Variants in THEM6 observed in about 807,000 individuals in gnomAD.
The protein encoded by THEM6 is protein THEM6.
Under a neutral mutation model 13.7 loss-of-function variants are expected in THEM6, and 10 were observed. That is an observed-to-expected ratio of 0.73 (90% confidence interval 0.45 to 1.24). The LOEUF (loss-of-function observed/expected upper bound fraction) is 1.24. THEM6 is among the 50% of genes most tolerant of loss of function. The pLI is 0.00. For synonymous variants in THEM6, 161 were observed against 156.0 expected (o/e 1.03, Z -0.24); for missense variants, 317 against 312.6 (o/e 1.01, Z -0.11).
chr8:142,734,582 G>C (rs1815719554), intron 1 of THEM6: 2 of 152,852 alleles, frequency 1.3e-5, no homozygotes, highest in Non-Finnish European at 2.9e-5. Context: ...GCTGGGCTGG[G>C]GTGAGTGTTG....
intron 1 of THEM6, among the ~76,000 whole-genome samples, chr8:142,732,194 ATATATATATATAT>A (rs1815662914): frequency 1.0e-5 from 1 of 95,996 alleles, no homozygotes; most frequent in Non-Finnish European, 2.1e-5. Context: ...ATATATATAT[ATATATATATATAT>A]TTTAACTACT....
At chr8:142,730,705 C>T (rs1324262152) in intron 1 of THEM6, among the ~76,000 whole-genome samples, 1 of 152,056 alleles carries the variant, frequency 6.6e-6, no homozygotes, top group East Asian at 1.9e-4. Context: ...TTAAATTTTA[C>T]CTTTATACTA....
chr8:142,734,880 T>C (rs587645095), intron 1 of THEM6: 9 of 165,462 alleles, frequency 5.4e-5, no homozygotes, highest in Non-Finnish European at 9.2e-5. Flanking sequence ...TGGAGAGGGT[T>C]GATAGTGGAG....
At chr8:142,733,655 G>A (rs1469398342) in intron 1 of THEM6, among the ~76,000 whole-genome samples, 2 of 152,268 alleles carry the variant, frequency 1.3e-5, no homozygotes, top group East Asian at 3.9e-4. Flanking sequence ...AAAGCTACAC[G>A]GCTCCCTGGT....
At chr8:142,729,277 G>A (rs782151633) in intron 1 of THEM6, among the ~76,000 whole-genome samples, 19 of 152,122 alleles carry the variant, frequency 1.2e-4, no homozygotes, top group Non-Finnish European at 2.1e-4. Flanking sequence ...GAAATAGCAC[G>A]TGAACATAAA....
intron 1 of THEM6, among the ~76,000 whole-genome samples, chr8:142,733,783 G>A (rs1208543774): frequency 6.6e-6 from 1 of 152,232 alleles, no homozygotes; most frequent in Admixed American, 6.5e-5. Flanking sequence ...TGTGCCCAAG[G>A]TGGTCGGGGC....
In THEM6 at chr8:142,727,557, C is replaced by A; in HGVS notation, c.211C>A (p.Leu71Met). 1 of 1,551,914 alleles carries A rather than the reference C, an allele frequency of 6.4e-7. No homozygotes were observed. The highest frequency in any genetic ancestry group is 2.5e-5 in the East Asian group (1 of 40,386). Residue 71 changes from leucine to methionine, a missense_variant, in exon 1 of 2, where the codon CTG (leucine) becomes ATG (methionine). Transcript: ENST00000336138. ...LLLHMNNARY[L>M]READFARVAH... ...GCTGCACATGAACAACGCGCGCTAC[C>A]TGCGCGAGGCCGACTTTGCGCGCGT... is the stretch of plus-strand genomic sequence containing the variant.
In THEM6 at chr8:142,732,088, C is replaced by G. The variant is rs963750759; in HGVS notation, c.514-3238C>G. Reference sequence around the variant, plus strand: ...TTTTCCCCCCTCTCCTTCCCCTTCCCCTGGGGGACCAACCAGCGGGAGTGA... The same window carrying G: ...TTTTCCCCCCTCTCCTTCCCCTTCCGCTGGGGGACCAACCAGCGGGAGTGA... On this transcript the variant is annotated intron_variant, in intron 1 of 1. Coordinates refer to ENST00000336138, the MANE Select transcript of THEM6 (RefSeq NM_016647.3). Among the ~76,000 whole-genome samples the G allele has an allele frequency of 4.1e-5, 6 of 147,054 alleles. 1 individual carries two copies. In the South Asian group the frequency reaches 1.1e-3, roughly 26 times the overall value.
chr8:142,728,530 C>T (rs1554642657), intron 1 of THEM6, among the ~76,000 whole-genome samples: 1 of 152,224 alleles, frequency 6.6e-6, no homozygotes, highest in African/African-American at 2.4e-5. Flanking sequence ...CTGGAGCGTC[C>T]GTGCAGGAAG....
chr8:142,727,314 A>AC lies in THEM6; in HGVS notation c.-32dup. 1 of 1,456,036 alleles carries AC rather than the reference A, an allele frequency of 6.9e-7. No homozygotes were observed. Among genetic ancestry groups the AC allele is most frequent in the Middle Eastern group, 2.4e-4 (1 of 4,118 alleles). 90.2% of individuals were successfully genotyped at this position (1,456,036 alleles called of 1,614,324 possible). A position where few individuals can be genotyped will look rare whatever the true frequency, so the allele number is the denominator to read the frequency against. On this transcript the variant is annotated 5_prime_UTR_variant, in exon 1 of 2. Transcript: ENST00000336138. ...GCGGACACCGGCACCGGCGCCACGGACTCCGCAGGACCCCGCGCCCGCCGC... is the reference window on the plus strand; with the variant it reads ...GCGGACACCGGCACCGGCGCCACGGACCTCCGCAGGACCCCGCGCCCGCCGC...
In THEM6 at chr8:142,727,839, C is replaced by G. The variant is rs973353732; in HGVS notation, c.493C>G (p.Gln165Glu). 14 of 1,445,588 alleles carry G rather than the reference C, an allele frequency of 9.7e-6. No homozygotes were observed. The highest frequency in any genetic ancestry group is 4.9e-4 in the Middle Eastern group (2 of 4,122). 89.5% of individuals were successfully genotyped at this position (1,445,588 alleles called of 1,614,324 possible). ...LLGTSPERVVQHLCQRRVEPP... is the reference protein window; with the variant it reads ...LLGTSPERVVEHLCQRRVEPP... ...GGGCACCTCACCCGAGCGCGTCGTG[C>G]AGCACCTGTGCCAGCGCAGGGTGAG... The change falls in exon 1 of 2, where the codon CAG (glutamine) becomes GAG (glutamate). Residue 165 changes from glutamine (Q) to glutamate (E), a missense_variant. Gln to Glu is a conservative substitution (Grantham distance 29, BLOSUM62 2). Transcript: ENST00000336138.
At chr8:142,728,937 CTTTTTTTTTT>C (rs58263738) in intron 1 of THEM6, among the ~76,000 whole-genome samples, 1 of 107,266 alleles carries the variant, frequency 9.3e-6, no homozygotes, top group Non-Finnish European at 1.8e-5. Context: ...TTACTATTTT[CTTTTTTTTTT>C]TTTTTTTTTT....
Position 142,735,769 on chromosome 8 carries a change from A to C in THEM6, c.*330A>C. The C allele has an allele frequency of 1.3e-5, 4 of 303,212 alleles. No individual in the cohort carries two copies. Among genetic ancestry groups the C allele is most frequent in the South Asian group, 1.2e-4 (3 of 24,222 alleles). 18.8% of individuals were successfully genotyped at this position (303,212 alleles called of 1,614,324 possible). A position where few individuals can be genotyped will look rare whatever the true frequency, so the allele number is the denominator to read the frequency against. Reference sequence around the variant, plus strand: ...GATGGTGCCTGGAGCAGAGGGACCCACAAGTGCCTCCCGAGCCTAGATCCT... The same window carrying C: ...GATGGTGCCTGGAGCAGAGGGACCCCCAAGTGCCTCCCGAGCCTAGATCCT... On this transcript the variant is annotated 3_prime_UTR_variant, in exon 2 of 2. Transcript: ENST00000336138.
intron 1 of THEM6, among the ~76,000 whole-genome samples, chr8:142,731,607 C>T (rs1227571986): frequency 3.3e-4 from 50 of 152,250 alleles, no homozygotes; most frequent in African/African-American, 1.2e-3. Flanking sequence ...TCTGTCTCTT[C>T]CAGTTTCTCT....
intron 1 of THEM6, among the ~76,000 whole-genome samples, chr8:142,733,194 G>A (rs1587584208): frequency 6.6e-6 from 1 of 152,208 alleles, no homozygotes; most frequent in African/African-American, 2.4e-5. Flanking sequence ...GTAATTTGTG[G>A]AATGCTGAGA....
In THEM6 at chr8:142,727,593, A is replaced by T. The variant is rs1554642483; in HGVS notation, c.247A>T (p.Thr83Ser). The change falls in exon 1 of 2, where the codon ACC becomes TCC. Residue 83 changes from threonine to serine, a missense_variant. By Grantham distance (58) the Thr-to-Ser change is moderately conservative. Coordinates refer to ENST00000336138, the MANE Select transcript of THEM6 (RefSeq NM_016647.3). ...EADFARVAHL[T>S]RCGVLGALRE... ...CGACTTTGCGCGCGTCGCGCACCTG[A>T]CCCGCTGCGGGGTGCTCGGGGCGCT... 3 of 1,519,552 alleles carry T rather than the reference A, an allele frequency of 2.0e-6. No individual in the cohort carries two copies. Among genetic ancestry groups the T allele is most frequent in the Non-Finnish European group, 2.6e-6 (3 of 1,141,282 alleles). The allele number at this position is 1,519,552 out of a possible 1,614,324, so 94.1% of individuals were successfully genotyped here.
intron 1 of THEM6, among the ~76,000 whole-genome samples, chr8:142,732,442 C>T (rs1043542359): frequency 6.6e-6 from 1 of 151,614 alleles, no homozygotes; most frequent in African/African-American, 2.4e-5. Context: ...ACAGCAGGAC[C>T]TGCCCTAAGC....
At position 142,735,334 on chromosome 8, in the gene THEM6, C is replaced by T. The variant is rs1815735028; in HGVS notation, c.522C>T (p.Pro174=). Residue 174 remains proline (P), a synonymous_variant, in exon 2 of 2, where the codon CCC becomes CCT. Transcript: ENST00000336138. ...VQHLCQRRVE[P]PELPADLQHW... ...CTTTCTGTCCTCTGCAGGTGGAGCC[C>T]CCTGAGCTGCCCGCTGATCTGCAGC... The T allele has an allele frequency of 6.4e-7, 1 of 1,557,584 alleles. No individual in the cohort carries two copies. Among genetic ancestry groups the T allele is most frequent in the Non-Finnish European group, 8.7e-7 (1 of 1,150,918 alleles).
chr8:142,735,590 T>G lies in THEM6; in HGVS notation c.*151T>G. ...CCACCCACTGGGCCCCCCCAGTTATTGATACCCCTCTGTGCTGGGCTCCAC... is the reference window on the plus strand; with the variant it reads ...CCACCCACTGGGCCCCCCCAGTTATGGATACCCCTCTGTGCTGGGCTCCAC... On this transcript the variant is annotated 3_prime_UTR_variant, in exon 2 of 2. Coordinates refer to ENST00000336138, the MANE Select transcript of THEM6 (RefSeq NM_016647.3). The G allele has an allele frequency of 1.6e-6, 1 of 640,924 alleles. No individual in the cohort carries two copies. Among genetic ancestry groups the G allele is most frequent in the Non-Finnish European group, 2.8e-6 (1 of 353,970 alleles). 39.7% of individuals were successfully genotyped at this position (640,924 alleles called of 1,614,324 possible). A position where few individuals can be genotyped will look rare whatever the true frequency, so the allele number is the denominator to read the frequency against.
Sources: allele counts gnomAD v4.1 joint callset (sites outside exome capture counted in the v4.1 genomes callset), GRCh38; gene constraint gnomAD v4.1.1; transcripts MANE v1.5; gene names NCBI Gene and HGNC (gene_info 2026-07-23, HGNC 2026-07-21).